The following CHAT variants were observed in gnomAD, a reference collection of about 807,000 sequenced individuals.
The protein encoded by CHAT is choline O-acetyltransferase.
A neutral mutation model predicts 76.9 loss-of-function variants in CHAT; 61 were observed. The observed-to-expected ratio is 0.79, with a 90% CI of 0.65 to 0.98. The LOEUF (loss-of-function observed/expected upper bound fraction) is 0.98. CHAT is among the 50% of genes least tolerant of loss of function. The pLI is 0.00. For missense variants in CHAT, 946 were observed against 986.9 expected (o/e 0.96, Z 0.56); for synonymous variants, 407 against 397.4 (o/e 1.02, Z -0.29).
intron 5 of CHAT, among the ~76,000 whole-genome samples, chr10:49,623,992 C>T (rs1838826884): frequency 6.6e-6 from 1 of 152,182 alleles, no homozygotes; most frequent in African/African-American, 2.4e-5. Context: ...AGTAAAACAA[C>T]AAAATGGAAA....
intron 2 of CHAT, among the ~76,000 whole-genome samples, chr10:49,618,295 A>G (rs1327384877): frequency 6.6e-6 from 1 of 152,232 alleles, no homozygotes; most frequent in Non-Finnish European, 1.5e-5. Flanking sequence ...AACAATATCA[A>G]TAACAGGACT....
At chr10:49,610,332 G>C (rs1366451710), upstream of CHAT, 1 of 184,606 alleles carries the variant, frequency 5.4e-6, no homozygotes, top group Non-Finnish European at 1.1e-5. Flanking sequence ...GAGGGGAGGG[G>C]AGCGCAGCGG....
At chr10:49,635,139 A>G (rs1226695384) in intron 7 of CHAT, among the ~76,000 whole-genome samples, 2 of 152,198 alleles carry the variant, frequency 1.3e-5, no homozygotes, top group Non-Finnish European at 2.9e-5. Flanking sequence ...CTCTATTTCA[A>G]TAATTTTATT....
At chr10:49,635,401 G>A (rs1276382245) in intron 7 of CHAT, among the ~76,000 whole-genome samples, 1 of 152,160 alleles carries the variant, frequency 6.6e-6, no homozygotes, top group African/African-American at 2.4e-5. Context: ...TTGTGTACAG[G>A]TTTTTGTGTG....
intron 7 of CHAT, among the ~76,000 whole-genome samples, chr10:49,634,392 G>A (rs567812163): frequency 1.3e-5 from 2 of 152,354 alleles, no homozygotes; most frequent in South Asian, 2.1e-4. Flanking sequence ...ATCACGCTGG[G>A]GATGCTTTGC....
chr10:49,618,021 G>A (rs1838562256), intron 2 of CHAT, among the ~76,000 whole-genome samples: 1 of 152,206 alleles, frequency 6.6e-6, no homozygotes, highest in Non-Finnish European at 1.5e-5. Flanking sequence ...AGCCTATGGG[G>A]AGGAACCCTT....
chr10:49,649,373 C>A, intron 9 of CHAT, 135 bp from the exon 10 acceptor site: 3 of 1,256,804 alleles, frequency 2.4e-6, no homozygotes, highest in Non-Finnish European at 3.4e-6. Context: ...CACGGTGGTT[C>A]AGGGGCAGCT....
intron 7 of CHAT, among the ~76,000 whole-genome samples, chr10:49,633,224 G>T (rs1169210200): frequency 6.6e-6 from 1 of 152,204 alleles, no homozygotes; most frequent in East Asian, 1.9e-4. Flanking sequence ...CCGGGCCCCA[G>T]TGCTTTTCCA....
upstream of CHAT, chr10:49,610,272 G>A (rs546949966): frequency 6.5e-6 from 1 of 154,920 alleles, no homozygotes; most frequent in South Asian, 2.0e-4. Flanking sequence ...ACAGCCCCGA[G>A]TGGAAGGGAA....
At chr10:49,611,502 T>C (rs1325163601), upstream of CHAT, 1 of 1,600,784 alleles carries the variant, frequency 6.2e-7, no homozygotes, top group Non-Finnish European at 8.5e-7. Context: ...TGTCGCTCTT[T>C]GACGCGCTGT....
intron 5 of CHAT, among the ~76,000 whole-genome samples, chr10:49,623,316 G>A (rs549210791): frequency 6.6e-6 from 1 of 152,238 alleles, no homozygotes; most frequent in East Asian, 1.9e-4. Context: ...TTTCACATGT[G>A]TGTGCACACT....
intron 7 of CHAT, among the ~76,000 whole-genome samples, chr10:49,644,342 G>A (rs1205159160): frequency 1.3e-5 from 2 of 152,168 alleles, no homozygotes; most frequent in Non-Finnish European, 2.9e-5. Flanking sequence ...TTAGAAATTT[G>A]GATTCTCCCT....
chr10:49,665,289 G>T lies in CHAT; in HGVS notation c.*243G>T, dbSNP rs1880678. On this transcript the variant is annotated 3_prime_UTR_variant, in exon 15 of 15. Coordinates refer to ENST00000337653, the MANE Select transcript of CHAT (RefSeq NM_020549.5). ...GCACACTGGGAAATGGGACCTGCCTGGCTCAGAGGCAGCCTGGATGCACTG... is the reference window on the plus strand; with the variant it reads ...GCACACTGGGAAATGGGACCTGCCTTGCTCAGAGGCAGCCTGGATGCACTG... Among the ~76,000 whole-genome samples the T allele has an allele frequency of 6.6e-6, 1 of 152,158 alleles. No individual in the cohort carries two copies. Among genetic ancestry groups the T allele is most frequent in the African/African-American group, 2.4e-5 (1 of 41,444 alleles).
At chr10:49,637,524 G>T (rs1474327529) in intron 7 of CHAT, 1 of 152,214 alleles carries the variant, frequency 6.6e-6, no homozygotes, top group African/African-American at 2.4e-5. Context: ...AGATCTGATG[G>T]TTTAAAAGTG....
rs148658507 is a variant in CHAT, at chr10:49,638,990, C to T, written c.1112-7515C>T. Among the ~76,000 whole-genome samples the T allele has an allele frequency of 2.3e-3, 350 of 152,232 alleles. 1 individual carries two copies. Among genetic ancestry groups the T allele is most frequent in the African/African-American group, 6.2e-3 (258 of 41,538 alleles). On this transcript the variant is annotated intron_variant, in intron 7 of 14. Transcript: ENST00000337653. ...GTGGCTCACGCCTGTAATCCCAGCA[C>T]TTTGGGAGGCTGAGGAGGGTGGATC...
At chr10:49,652,427 A>G (rs1839909410) in intron 11 of CHAT, among the ~76,000 whole-genome samples, 1 of 152,120 alleles carries the variant, frequency 6.6e-6, no homozygotes, top group Non-Finnish European at 1.5e-5. Flanking sequence ...CCAGCTGATC[A>G]AGACAAAGAT....
intron 7 of CHAT, among the ~76,000 whole-genome samples, chr10:49,637,085 A>C (rs980381392): frequency 1.1e-4 from 16 of 151,500 alleles, no homozygotes; most frequent in Middle Eastern, 3.4e-3. Flanking sequence ...TGATCTTTTA[A>C]AATAACTACC....
intron 13 of CHAT, among the ~76,000 whole-genome samples, chr10:49,658,986 T>A (rs1840112963): frequency 6.6e-6 from 1 of 152,060 alleles, no homozygotes; most frequent in Non-Finnish European, 1.5e-5. Flanking sequence ...AGAGGCTTAG[T>A]CCAGGAGAAT....
At chr10:49,610,534 G>T, upstream of CHAT, 1 of 471,910 alleles carries the variant, frequency 2.1e-6, no homozygotes. Context: ...TCCCGGGATC[G>T]GCTAAGAGTA....
Sources: allele counts gnomAD v4.1 joint callset (sites outside exome capture counted in the v4.1 genomes callset), GRCh38; gene constraint gnomAD v4.1.1; transcripts MANE v1.5; gene names NCBI Gene and HGNC (gene_info 2026-07-23, HGNC 2026-07-21).